The following DAB2IP variants were observed in gnomAD, a reference collection of about 807,000 sequenced individuals.
DAB2IP encodes the protein disabled homolog 2-interacting protein.
A neutral mutation model predicts 107.2 loss-of-function variants in DAB2IP; 28 were observed. That is an observed-to-expected ratio of 0.26 (90% CI 0.19 to 0.36). The LOEUF is 0.36. Ranked by LOEUF, DAB2IP falls within the 10% of genes least tolerant of loss-of-function variation. DAB2IP has a pLI of 1.00. For synonymous variants in DAB2IP, 755 were observed against 706.4 expected (o/e 1.07, Z -1.09); for missense variants, 1,400 against 1,644.7 (o/e 0.85, Z 2.57).
chr9:121,642,029 C>CTTTCTT (rs879760304), intron 1 of DAB2IP, among the ~76,000 whole-genome samples: 76 of 26,630 alleles, frequency 2.9e-3, no homozygotes, highest in East Asian at 5.9e-3. Context: ...CTCTCTCTCT[C>CTTTCTT]TCTTTCTTTC....
Position 121,760,381 on chromosome 9 carries a change from C to A in DAB2IP, c.1112C>A (p.Thr371Asn), listed in dbSNP as rs747475158. Residue 371 changes from threonine to asparagine, a missense_variant, in exon 6 of 16, where the codon ACC becomes AAC. Transcript: ENST00000408936. This position sits in a 1 kb window ranked among gnomAD's most constrained non-coding sequence, Gnocchi z 5.9. ...CTCGAGCCCATCCTCAGTGCCAAGA[C>A]CAAGGAGGAGATGGCATCTGCCCTG... The A allele has an allele frequency of 1.2e-6, 2 of 1,610,788 alleles. No individual in the cohort carries two copies. Among genetic ancestry groups the A allele is most frequent in the Non-Finnish European group, 1.7e-6 (2 of 1,179,924 alleles).
intron 1 of DAB2IP, among the ~76,000 whole-genome samples, chr9:121,567,908 C>T (rs1044196523): frequency 6.6e-6 from 1 of 152,136 alleles, no homozygotes; most frequent in African/African-American, 2.4e-5. Context: ...AGAGAGCTCA[C>T]ATTTGGCTGG....
chr9:121,758,831 C>T (rs1833672691), intron 4 of DAB2IP, 67 bp from the exon 5 acceptor site: 3 of 1,452,364 alleles, frequency 2.1e-6, no homozygotes, highest in East Asian at 2.3e-5. Flanking sequence ...CCAAGGTCTT[C>T]TTCCATCACT....
Position 121,684,094 on chromosome 9 carries a change from T to C in DAB2IP, c.228+5313T>C, listed in dbSNP as rs1828735782. ...CTGCTCACCCCTTTTCTCACTCCTG[T>C]AGCCTCCCTGCACCCTCCCCATGTT... On this transcript the variant is annotated intron_variant, in intron 2 of 15. Transcript: ENST00000408936. This position sits in a 1 kb window ranked among gnomAD's most constrained non-coding sequence, Gnocchi z 4.0. Among the ~76,000 whole-genome samples the C allele has an allele frequency of 6.6e-6, 1 of 152,134 alleles. No homozygotes were observed. Among genetic ancestry groups the C allele is most frequent in the Non-Finnish European group, 1.5e-5 (1 of 68,026 alleles).
intron 1 of DAB2IP, among the ~76,000 whole-genome samples, chr9:121,609,016 A>G (rs1219183296): frequency 6.6e-6 from 1 of 152,178 alleles, no homozygotes; most frequent in East Asian, 1.9e-4. Flanking sequence ...ATCTCGGCTC[A>G]CTGCAACCTC....
In DAB2IP at chr9:121,782,673, G is replaced by T. The variant is rs1588027247; in HGVS notation, c.*175G>T. On this transcript the variant is annotated 3_prime_UTR_variant, in exon 16 of 16. Coordinates refer to ENST00000408936, the Ensembl canonical transcript of DAB2IP. The surrounding 1 kb of genome is among the most constrained non-coding windows in gnomAD (Gnocchi z 6.1). ...GCCGCAGAGGGAGCCACCAGAGACT[G>T]AAGCAGCGTGAGGCGAGGTCACCAG... 1.4e-6 allele frequency: 2 copies of T among 1,437,986 alleles called. No individual in the cohort carries two copies. The highest frequency in any genetic ancestry group is 5.0e-5 in the East Asian group (2 of 39,824). The allele number at this position is 1,437,986 out of a possible 1,614,324, so 89.1% of individuals were successfully genotyped here.
At chr9:121,572,381 A>G (rs1279136394) in intron 1 of DAB2IP, among the ~76,000 whole-genome samples, 1 of 151,314 alleles carries the variant, frequency 6.6e-6, no homozygotes, top group Non-Finnish European at 1.5e-5. Flanking sequence ...AAGGCACTCA[A>G]TACATACTCA....
chr9:121,747,412 A>G (rs1432887816), intron 3 of DAB2IP, among the ~76,000 whole-genome samples: 2 of 146,336 alleles, frequency 1.4e-5, no homozygotes, highest in African/African-American at 2.6e-5. Context: ...CAGTGGCACT[A>G]TCTTGGCTCA....
intron 1 of DAB2IP, among the ~76,000 whole-genome samples, chr9:121,614,895 G>A (rs571450119): frequency 1.3e-4 from 19 of 151,838 alleles, no homozygotes; most frequent in South Asian, 4.2e-4. Context: ...CACCGCGTTC[G>A]GCTACTTTTT....
chr9:121,594,895 G>A (rs1394034848), intron 1 of DAB2IP, among the ~76,000 whole-genome samples: 3 of 152,190 alleles, frequency 2.0e-5, no homozygotes, highest in African/African-American at 7.2e-5. Flanking sequence ...AGGAGAAGTA[G>A]GCACTGACTG....
intron 14 of DAB2IP, 25 bp from the exon 15 acceptor site, chr9:121,781,435 AGTCT>A: frequency 6.2e-7 from 1 of 1,612,366 alleles, no homozygotes; most frequent in Non-Finnish European, 8.5e-7. Context: ...CTCCAGGGCC[AGTCT>A]GACTGTCTCT....
chr9:121,737,818 G>C (rs935836205), intron 3 of DAB2IP: 2 of 978,816 alleles, frequency 2.0e-6, no homozygotes, highest in South Asian at 4.7e-5. Flanking sequence ...GGCTTTGGTC[G>C]GGCTGGAGGG....
intron 1 of DAB2IP, among the ~76,000 whole-genome samples, chr9:121,617,925 C>T (rs1210380518): frequency 2.6e-5 from 4 of 152,226 alleles, no homozygotes; most frequent in South Asian, 2.1e-4. Flanking sequence ...ATTTTCAACT[C>T]CATGGCTGGT....
intron 1 of DAB2IP, among the ~76,000 whole-genome samples, chr9:121,584,945 G>A (rs957371478): frequency 6.6e-6 from 1 of 152,136 alleles, no homozygotes; most frequent in Admixed American, 6.5e-5. Context: ...CCCAGCTGGA[G>A]TGCAGTAGCT....
intron 3 of DAB2IP, among the ~76,000 whole-genome samples, chr9:121,738,833 T>C (rs80323019): frequency 0.038 from 5,849 of 152,342 alleles, 349 homozygotes; most frequent in African/African-American, 0.13. Context: ...GCTCTTATAC[T>C]GTGTCAGACC....
At chr9:121,656,496 A>T (rs897769815) in intron 1 of DAB2IP, among the ~76,000 whole-genome samples, 3 of 152,226 alleles carry the variant, frequency 2.0e-5, no homozygotes, top group Admixed American at 6.5e-5. Context: ...TGAAATCATT[A>T]TGCCCTTTTC....
intron 2 of DAB2IP, among the ~76,000 whole-genome samples, chr9:121,680,581 C>G (rs1436526257): frequency 6.6e-6 from 1 of 152,130 alleles, no homozygotes; most frequent in East Asian, 1.9e-4. Flanking sequence ...TCTGATCTCT[C>G]TGGATCCCTG....
chr9:121,738,060 G>A (rs1381238083), intron 3 of DAB2IP, among the ~76,000 whole-genome samples: 1 of 152,160 alleles, frequency 6.6e-6, no homozygotes, highest in Non-Finnish European at 1.5e-5. Context: ...TGGGCTGGGG[G>A]GAAGCTTTAG....
intron 1 of DAB2IP, among the ~76,000 whole-genome samples, chr9:121,656,167 C>T (rs1222582445): frequency 6.6e-6 from 1 of 152,160 alleles, no homozygotes; most frequent in Non-Finnish European, 1.5e-5. Flanking sequence ...CACCACCACA[C>T]CCGGCTAATT....
Sources: allele counts gnomAD v4.1 joint callset (sites outside exome capture counted in the v4.1 genomes callset), GRCh38; gene constraint gnomAD v4.1.1; non-coding constraint Gnocchi (gnomAD v3.1); transcripts MANE v1.5; gene names NCBI Gene and HGNC (gene_info 2026-07-23, HGNC 2026-07-21).